PCDHA6: variants seen among roughly 807,000 people sequenced by gnomAD.
PCDHA6 encodes protocadherin alpha 6, also known as protocadherin alpha-6.
In PCDHA6, 55 loss-of-function variants were observed where a neutral mutation model predicts 60.3. The ratio of observed to expected loss-of-function variants is 0.91; its 90% CI spans 0.73 to 1.14. The LOEUF is 1.14. PCDHA6 is among the 50% of genes most tolerant of loss of function. PCDHA6 has a pLI of 0.00. For synonymous variants in PCDHA6, 652 were observed against 557.9 expected, an observed-to-expected ratio of 1.17 and a Z score of -2.38; for missense variants, 1,327 against 1,256.5, an observed-to-expected ratio of 1.06 and a Z score of -0.85.
At chr5:140,836,796 C>T (rs2150270125) in intron 1 of PCDHA6, 1 of 1,377,882 alleles carries the variant, frequency 7.3e-7, no homozygotes, top group Admixed American at 2.4e-5. Flanking sequence ...CAATTGGTCT[C>T]CTTAAATTTT....
chr5:140,921,440 G>C (rs1026829665), intron 1 of PCDHA6, among the ~76,000 whole-genome samples: 1 of 152,056 alleles, frequency 6.6e-6, no homozygotes, highest in South Asian at 2.1e-4. Flanking sequence ...CTTCAATGGT[G>C]TCTGAAAAGG....
chr5:140,919,307 T>C (rs567605906), intron 1 of PCDHA6, among the ~76,000 whole-genome samples: 2 of 152,348 alleles, frequency 1.3e-5, no homozygotes, highest in East Asian at 1.9e-4. Context: ...GTACAATATA[T>C]GTTTTCCCAT....
intron 1 of PCDHA6, chr5:140,841,607 T>G (rs1554138334): frequency 4.3e-6 from 7 of 1,614,090 alleles, no homozygotes; most frequent in Non-Finnish European, 5.9e-6. Flanking sequence ...CGAGGAGCTG[T>G]GCGGGCGGAG....
intron 1 of PCDHA6, chr5:140,857,554 G>A (rs782355772): frequency 1.3e-6 from 2 of 1,596,880 alleles, no homozygotes; most frequent in East Asian, 4.5e-5. Flanking sequence ...GCGAGCGCTC[G>A]CTGTCGAGCT....
chr5:140,967,786 G>A, intron 1 of PCDHA6: 1 of 1,614,216 alleles, frequency 6.2e-7, no homozygotes, highest in East Asian at 2.2e-5. Context: ...CGACTGACCG[G>A]GGTCCAGTGC....
intron 1 of PCDHA6, among the ~76,000 whole-genome samples, chr5:140,837,576 C>T (rs2150276796): frequency 1.3e-5 from 2 of 151,950 alleles, no homozygotes; most frequent in African/African-American, 4.8e-5. Flanking sequence ...TTACAATCAC[C>T]AAATTGTAAA....
intron 1 of PCDHA6, among the ~76,000 whole-genome samples, chr5:140,960,271 CA>C (rs1193468231): frequency 2.0e-5 from 3 of 152,182 alleles, no homozygotes; most frequent in Non-Finnish European, 4.4e-5. Flanking sequence ...TAAATTCCGT[CA>C]CCTTTTTGGG....
chr5:140,889,551 C>A (rs981990006), intron 1 of PCDHA6, among the ~76,000 whole-genome samples: 1 of 152,074 alleles, frequency 6.6e-6, no homozygotes, highest in Non-Finnish European at 1.5e-5. Flanking sequence ...ATTTACTTTT[C>A]TTCAGAATTC....
intron 1 of PCDHA6, chr5:140,966,543 A>C (rs200134570): frequency 6.5e-6 from 3 of 461,074 alleles, no homozygotes; most frequent in Admixed American, 4.3e-5. Context: ...AGCGACTCGG[A>C]GGCGAGCGGA....
intron 1 of PCDHA6, chr5:140,867,112 T>C (rs1446733026): frequency 6.6e-6 from 1 of 152,146 alleles, no homozygotes; most frequent in Non-Finnish European, 1.5e-5. Flanking sequence ...AATTAACATA[T>C]TGTTTTAATT....
At chr5:140,848,810 C>T (rs2150250287) in intron 1 of PCDHA6, 1 of 1,591,698 alleles carries the variant, frequency 6.3e-7, no homozygotes, top group East Asian at 2.2e-5. Context: ...GCAGCATCCA[C>T]CTGGAGGTGA....
intron 1 of PCDHA6, among the ~76,000 whole-genome samples, chr5:140,950,403 A>C (rs2094477208): frequency 6.6e-6 from 1 of 151,818 alleles, no homozygotes; most frequent in Admixed American, 6.6e-5. Flanking sequence ...ATTCTGGGGG[A>C]TTGACAGATT....
intron 1 of PCDHA6, chr5:140,859,549 C>A (rs958434264): frequency 5.0e-5 from 9 of 181,676 alleles, no homozygotes; most frequent in Non-Finnish European, 9.0e-5. Context: ...CTAGTGTTAC[C>A]AAACACCAAT....
At chr5:140,916,321 C>T (rs1302078048) in intron 1 of PCDHA6, among the ~76,000 whole-genome samples, 1 of 152,160 alleles carries the variant, frequency 6.6e-6, no homozygotes, top group Non-Finnish European at 1.5e-5. Flanking sequence ...AGACAAAGTC[C>T]CCTTTACTTT....
At position 140,944,954 on chromosome 5, in the gene PCDHA6, G is replaced by T. The variant is rs59917150; in HGVS notation, c.2395-33995G>T. Among the ~76,000 whole-genome samples the T allele has an allele frequency of 8.9e-3, 1,356 of 152,182 alleles. 15 individuals are homozygous for T. Among genetic ancestry groups the T allele is most frequent in the African/African-American group, 0.032 (1,311 of 41,514 alleles). ...CTTCTTTAGATGATTGTGAATAAGA[G>T]TATTATCTTAACCTCTCTGGTGGGT... On this transcript the variant is annotated intron_variant, in intron 1 of 3. Coordinates refer to ENST00000529310, the MANE Select transcript of PCDHA6 (RefSeq NM_018909.4).
At chr5:141,000,412 TATATATA>T (rs1563651366) in intron 3 of PCDHA6, among the ~76,000 whole-genome samples, 7 of 102,770 alleles carry the variant, frequency 6.8e-5, no homozygotes, top group African/African-American at 2.7e-4. Context: ...TATATATATA[TATATATA>T]TATTTTTTTT....
chr5:140,897,739 T>A (rs2066296532), intron 1 of PCDHA6, among the ~76,000 whole-genome samples: 1 of 152,176 alleles, frequency 6.6e-6, no homozygotes, highest in Admixed American at 6.5e-5. Flanking sequence ...GTATTTCTAG[T>A]TCTAGATCCC....
intron 1 of PCDHA6, chr5:140,864,396 G>T (rs2048459702): frequency 6.6e-6 from 1 of 152,210 alleles, no homozygotes; most frequent in South Asian, 2.1e-4. Flanking sequence ...CACAAATGGT[G>T]ATGAGCAGGG....
intron 1 of PCDHA6, chr5:140,884,452 C>G (rs1203873823): frequency 6.2e-7 from 1 of 1,613,664 alleles, no homozygotes; most frequent in African/African-American, 1.3e-5. Context: ...CACCGCCCAC[C>G]GAGGGCGCGT....
Sources: allele counts gnomAD v4.1 joint callset (sites outside exome capture counted in the v4.1 genomes callset), GRCh38; gene constraint gnomAD v4.1.1; transcripts MANE v1.5; gene names NCBI Gene and HGNC (gene_info 2026-07-23, HGNC 2026-07-21).